The following GPR132 variants were observed in gnomAD, a reference collection of about 807,000 sequenced individuals.
The protein encoded by GPR132 is probable G protein-coupled receptor 132.
In GPR132, 4 loss-of-function variants were observed where a neutral mutation model predicts 1.9. The ratio of observed to expected loss-of-function variants is 2.13; its 90% CI spans 1.05 to 4.87. The LOEUF is 4.87. Among genes scored for constraint, GPR132 ranks in the 30% most tolerant of loss-of-function variants. The probability of loss-of-function intolerance (pLI) is 0.01; values close to 1 mark genes in which losing one functional copy is unlikely to be tolerated. For missense variants in GPR132, 404 were observed against 512.5 expected (o/e 0.79, Z 2.04); for synonymous variants, 233 against 234.2 (o/e 0.99, Z 0.05).
chr14:105,060,059 G>A lies in GPR132; in HGVS notation c.-860-2779C>T, dbSNP rs1886900545. Among the ~76,000 whole-genome samples the A allele has an allele frequency of 6.6e-6, 1 of 152,246 alleles. No individual in the cohort carries two copies. The highest frequency in any genetic ancestry group is 1.5e-5 in the Non-Finnish European group (1 of 68,042). On this transcript the variant is annotated intron_variant, in intron 1 of 3. Coordinates refer to ENST00000329797, the MANE Select transcript of GPR132 (RefSeq NM_013345.4). This position sits in a 1 kb window ranked among gnomAD's most constrained non-coding sequence, Gnocchi z 6.3. Reference sequence around the variant, plus strand: ...TGCCACCACCCTGCCACTGGCTGGAGTAAGTATGCACTGCTCCCTGCATCT... The same window carrying A: ...TGCCACCACCCTGCCACTGGCTGGAATAAGTATGCACTGCTCCCTGCATCT...
chr14:105,053,997 G>A (rs113740653), intron 3 of GPR132: 52 of 1,266,254 alleles, frequency 4.1e-5, no homozygotes, highest in Middle Eastern at 2.2e-4. Context: ...TAGAGGTCAC[G>A]CAGGGTGTGC....
chr14:105,062,512 CTTTCTTTTCTTTCT>C (rs552970625), intron 1 of GPR132, among the ~76,000 whole-genome samples: 21 of 146,044 alleles, frequency 1.4e-4, no homozygotes, highest in East Asian at 7.9e-4. Context: ...TTTGCCTTTT[CTTTCTTTTCTTTCT>C]TTTCTTTTCT....
intron 3 of GPR132, among the ~76,000 whole-genome samples, chr14:105,053,721 T>C (rs948516068): frequency 1.3e-4 from 19 of 151,820 alleles, no homozygotes; most frequent in African/African-American, 4.1e-4. Flanking sequence ...ACCCAAAAGA[T>C]GTCTGAATCC....
rs573530505 is a variant in GPR132 at position 105,051,852 on chromosome 14, C to G, written c.285G>C (p.Leu95=). 1 of 1,614,004 alleles carries G rather than the reference C, an allele frequency of 6.2e-7. No individual in the cohort carries two copies. Residue 95 remains leucine (L), a synonymous_variant, in exon 4 of 4, where the codon CTG becomes CTC. Transcript: ENST00000329797. The surrounding 1 kb of genome is among the most constrained non-coding windows in gnomAD (Gnocchi z 8.0). Reference sequence around the variant, plus strand: ...TGCGGATATAGATGACCCAGAGTGGCAGCGTGCCTGTGTACAGCAGCTCGC... The same window carrying G: ...TGCGGATATAGATGACCCAGAGTGGGAGCGTGCCTGTGTACAGCAGCTCGC... The part of the protein sequence containing the change: ...ALCELLYTGT[L]PLWVIYIRNQ...
At position 105,059,655 on chromosome 14, in the gene GPR132, C is replaced by T. The variant is rs1048271014; in HGVS notation, c.-860-2375G>A. Among the ~76,000 whole-genome samples the T allele has an allele frequency of 2.0e-5, 3 of 152,072 alleles. No homozygotes were observed. Among genetic ancestry groups the T allele is most frequent in the South Asian group, 2.1e-4 (1 of 4,830 alleles). ...CACCTTTCTGGACGGAACCAATGTACGTCTCACATATATTGATTGATGTCT... is the reference window on the plus strand; with the variant it reads ...CACCTTTCTGGACGGAACCAATGTATGTCTCACATATATTGATTGATGTCT... On this transcript the variant is annotated intron_variant, in intron 1 of 3. Coordinates refer to ENST00000329797, the MANE Select transcript of GPR132 (RefSeq NM_013345.4). The surrounding 1 kb of genome is among the most constrained non-coding windows in gnomAD (Gnocchi z 4.2).
chr14:105,064,171 T>C (rs1442215872), intron 1 of GPR132, among the ~76,000 whole-genome samples: 2 of 152,066 alleles, frequency 1.3e-5, no homozygotes, highest in South Asian at 2.1e-4. Context: ...TGTTTCACGG[T>C]TGCTGGCCAT....
chr14:105,059,575 TGTG>T lies in GPR132; in HGVS notation c.-860-2298_-860-2296del, dbSNP rs1181588114. On this transcript the variant is annotated intron_variant, in intron 1 of 3. Coordinates refer to ENST00000329797, the MANE Select transcript of GPR132 (RefSeq NM_013345.4). The surrounding 1 kb of genome is among the most constrained non-coding windows in gnomAD (Gnocchi z 4.2). ...TGCAACCATTTGTCTCTCGCCTACCTGTGTAGGCGAGAGACAAATGGTTGGGAA... is the reference window on the plus strand; with the variant it reads ...TGCAACCATTTGTCTCTCGCCTACCTTAGGCGAGAGACAAATGGTTGGGAA... Among the ~76,000 whole-genome samples, 1 of 151,274 alleles carries T rather than the reference TGTG, an allele frequency of 6.6e-6. No individual in the cohort carries two copies. Among genetic ancestry groups the T allele is most frequent in the Admixed American group, 6.6e-5 (1 of 15,148 alleles).
chr14:105,051,023 C>T lies in GPR132; in HGVS notation c.1114G>A (p.Ala372Thr), dbSNP rs1566731756. 1 of 1,613,462 alleles carries T rather than the reference C, an allele frequency of 6.2e-7. No homozygotes were observed. Among genetic ancestry groups the T allele is most frequent in the Non-Finnish European group, 8.5e-7 (1 of 1,179,444 alleles). The change falls in exon 4 of 4, where the codon GCA becomes ACA. Residue 372 changes from alanine to threonine, a missense_variant. Ala to Thr is a moderately conservative substitution (Grantham distance 58, BLOSUM62 0). Coordinates refer to ENST00000329797, the MANE Select transcript of GPR132 (RefSeq NM_013345.4). The surrounding 1 kb of genome is among the most constrained non-coding windows in gnomAD (Gnocchi z 8.0). ...CAGGACTCCTCAATCAGCCTCTTTG[C>T]AGGGCATGGTGACCCTGGTGGGTGC... ...PVHPPGSPCP[A>T]KRLIEESC
In GPR132 at chr14:105,052,102, C is replaced by A; in HGVS notation, c.35G>T (p.Gly12Val). 1 of 1,557,628 alleles carries A rather than the reference C, an allele frequency of 6.4e-7. No homozygotes were observed. The highest frequency in any genetic ancestry group is 1.2e-5 in the South Asian group (1 of 85,466). The change falls in exon 4 of 4, where the codon GGA becomes GTA. Residue 12 changes from glycine to valine, a missense_variant and splice_region_variant. Transcript: ENST00000329797. ...AGTGGTGGTCACTGGGGTGGCGTTT[C>A]CTGTGGGACAGAGACAAGAGTGAGG... is the stretch of plus-strand genomic sequence containing the variant. Reference protein sequence around the residue: ...CPMLLKNGYNGNATPVTTTAP... With the variant: ...CPMLLKNGYNVNATPVTTTAP...
At position 105,056,294 on chromosome 14, in the gene GPR132, C is replaced by G. The variant is rs545066370; in HGVS notation, c.-746-128G>C. 3.4e-6 allele frequency: 1 copy of G among 290,162 alleles called. No individual in the cohort carries two copies. The highest frequency in any genetic ancestry group is 5.1e-6 in the Non-Finnish European group (1 of 194,296). 18.0% of individuals were successfully genotyped at this position (290,162 alleles called of 1,614,324 possible). On this transcript the variant is annotated intron_variant, in intron 2 of 3. Coordinates refer to ENST00000329797, the MANE Select transcript of GPR132 (RefSeq NM_013345.4). The surrounding 1 kb of genome is among the most constrained non-coding windows in gnomAD (Gnocchi z 6.0). ...GGCAGTTCTCGGGTGGGAGGCCCAA[C>G]GCCTGTGTTTGCACTCACTGTTCTT... is the stretch of plus-strand genomic sequence containing the variant.
intron 1 of GPR132, chr14:105,057,511 C>CTTTTTTTTTTTTTTTTTT (rs11299805): frequency 1.0e-4 from 9 of 88,530 alleles, no homozygotes; most frequent in Non-Finnish European, 8.9e-5. Context: ...ACATACGATT[C>CTTTTTTTTTTTTTTTTTT]TTTTTTTTTT....
At chr14:105,061,562 A>G (rs1886943181) in intron 1 of GPR132, among the ~76,000 whole-genome samples, 1 of 152,096 alleles carries the variant, frequency 6.6e-6, no homozygotes, top group Admixed American at 6.5e-5. Flanking sequence ...TTTCCTCCAC[A>G]GAAAGGGGCG....
chr14:105,052,006 A>C lies in GPR132; in HGVS notation c.131T>G (p.Val44Gly). Residue 44 changes from valine to glycine, a missense_variant, in exon 4 of 4, where the codon GTC (valine) becomes GGC (glycine). Transcript: ENST00000329797. ...NNVSFEESRI[V>G]LVVVYSAVCT... ...CACCGCGCTGTACACCACGACCAGG[A>C]CTATCCTGCTCTCTTCGAAGGACAC... is the stretch of plus-strand genomic sequence containing the variant. The C allele has an allele frequency of 1.9e-6, 3 of 1,612,462 alleles. No individual in the cohort carries two copies. Among genetic ancestry groups the C allele is most frequent in the Non-Finnish European group, 2.5e-6 (3 of 1,179,976 alleles).
intron 1 of GPR132, among the ~76,000 whole-genome samples, chr14:105,062,426 G>A (rs527281675): frequency 1.4e-4 from 22 of 152,252 alleles, no homozygotes; most frequent in Non-Finnish European, 2.9e-4. Context: ...TGTCAGCTCC[G>A]AGGCTGCTCT....
At chr14:105,053,958 A>C (rs1192589284) in intron 3 of GPR132, 2 of 1,211,956 alleles carry the variant, frequency 1.7e-6, no homozygotes, top group Non-Finnish European at 2.1e-6. Flanking sequence ...CCGAGGTCAG[A>C]AACTCATCCT....
At chr14:105,054,426 T>C (rs1419376081) in intron 3 of GPR132, 43 of 921,080 alleles carry the variant, frequency 4.7e-5, no homozygotes, top group Admixed American at 9.3e-5. Flanking sequence ...TCTTTTTTTT[T>C]CTTTTTTTTT....
At position 105,059,131 on chromosome 14, in the gene GPR132, C is replaced by T. The variant is rs1420908921; in HGVS notation, c.-860-1851G>A. On this transcript the variant is annotated intron_variant, in intron 1 of 3. Coordinates refer to ENST00000329797, the MANE Select transcript of GPR132 (RefSeq NM_013345.4). This position sits in a 1 kb window ranked among gnomAD's most constrained non-coding sequence, Gnocchi z 4.2. Reference sequence around the variant, plus strand: ...CAGTCAGTCTCCCAGTGCACACTCCCCTCCCAGGGCAGGGCCGGCCCGGCT... The same window carrying T: ...CAGTCAGTCTCCCAGTGCACACTCCTCTCCCAGGGCAGGGCCGGCCCGGCT... Among the ~76,000 whole-genome samples, 1 of 152,208 alleles carries T rather than the reference C, an allele frequency of 6.6e-6. No individual in the cohort carries two copies. The highest frequency in any genetic ancestry group is 6.5e-5 in the Admixed American group (1 of 15,286).
chr14:105,063,723 A>C (rs147823270), intron 1 of GPR132, among the ~76,000 whole-genome samples: 218 of 152,266 alleles, frequency 1.4e-3, no homozygotes, highest in Non-Finnish European at 2.1e-3. Context: ...ACAAAAGGAC[A>C]GAGAAGGAGC....
Position 105,050,554 on chromosome 14 carries a change from C to A in GPR132, c.*440G>T. 1 of 199,156 alleles carries A rather than the reference C, an allele frequency of 5.0e-6. No individual in the cohort carries two copies. The highest frequency in any genetic ancestry group is 1.0e-5 in the Non-Finnish European group (1 of 95,356). 12.3% of individuals were successfully genotyped at this position (199,156 alleles called of 1,614,324 possible). A position where few individuals can be genotyped will look rare whatever the true frequency, so the allele number is the denominator to read the frequency against. ...TGACCTCCAGCATGGTGCTCACTGACATTCTGAGGCAGGAGCCCAGAGGGC... is the reference window on the plus strand; with the variant it reads ...TGACCTCCAGCATGGTGCTCACTGAAATTCTGAGGCAGGAGCCCAGAGGGC... On this transcript the variant is annotated 3_prime_UTR_variant, in exon 4 of 4. Coordinates refer to ENST00000329797, the MANE Select transcript of GPR132 (RefSeq NM_013345.4). The surrounding 1 kb of genome is among the most constrained non-coding windows in gnomAD (Gnocchi z 4.0).
Sources: allele counts gnomAD v4.1 joint callset (sites outside exome capture counted in the v4.1 genomes callset), GRCh38; gene constraint gnomAD v4.1.1; non-coding constraint Gnocchi (gnomAD v3.1); transcripts MANE v1.5; gene names NCBI Gene and HGNC (gene_info 2026-07-23, HGNC 2026-07-21).